Variants in CRYBG1 observed in about 807,000 individuals in gnomAD.
CRYBG1 encodes the protein beta/gamma crystallin domain-containing protein 1.
A neutral mutation model predicts 189.2 loss-of-function variants in CRYBG1; 139 were observed. The observed-to-expected ratio is 0.73, with a 90% CI of 0.64 to 0.85. The LOEUF (loss-of-function observed/expected upper bound fraction) is 0.85. Ranked by LOEUF, CRYBG1 falls within the 40% of genes least tolerant of loss-of-function variation. The probability of loss-of-function intolerance (pLI) is 0.00; values close to 1 mark genes in which losing one functional copy is unlikely to be tolerated. For missense variants in CRYBG1, 2,611 were observed against 2,675.8 expected, an observed-to-expected ratio of 0.98 and a Z score of 0.53; for synonymous variants, 1,023 against 1,017.1, an observed-to-expected ratio of 1.01 and a Z score of -0.11.
rs532831805 is a variant in CRYBG1 at position 106,462,164 on chromosome 6, T to TTTTTG, written c.312+10353_312+10357dup. ...GTTTTTTGTTTGTTTGTTTTTTGTT[T>TTTTTG]TTTTGTTTTGTTTTGTTTTGTTTTG... On this transcript the variant is annotated intron_variant, in intron 2 of 21. Transcript: ENST00000633556. 6.4e-3 allele frequency among the ~76,000 whole-genome samples: 979 copies of TTTTTG among 152,202 alleles called. 11 individuals are homozygous for TTTTTG. The highest frequency in any genetic ancestry group is 0.022 in the African/African-American group (923 of 41,508).
Position 106,377,621 on chromosome 6 carries a change from T to TATATATATATATATATA in CRYBG1, c.173+16540_173+16541insATATATATATATATATA, listed in dbSNP as rs1419204336. On this transcript the variant is annotated intron_variant, in intron 1 of 21. Transcript: ENST00000633556. Reference sequence around the variant, plus strand: ...TGTGTAACTCATAAGTCCTAAGGTTTTATATATATATATATATATATATAT... The same window carrying TATATATATATATATATA: ...TGTGTAACTCATAAGTCCTAAGGTTTATATATATATATATATATATATATATATATATATATATATAT... Among the ~76,000 whole-genome samples the TATATATATATATATATA allele has an allele frequency of 3.4e-3, 235 of 69,414 alleles. 5 individuals are homozygous for TATATATATATATATATA. Among genetic ancestry groups the TATATATATATATATATA allele is most frequent in the African/African-American group, 6.3e-3 (175 of 27,998 alleles). The allele number at this position is 69,414 out of a possible 152,430, so 45.5% of individuals were successfully genotyped here.
chr6:106,432,222 C>T (rs1050095328), intron 1 of CRYBG1, among the ~76,000 whole-genome samples: 12 of 152,182 alleles, frequency 7.9e-5, no homozygotes, highest in Middle Eastern at 3.2e-3. Flanking sequence ...GTTTTCCACC[C>T]TTCTTTGTAC....
At chr6:106,463,062 G>A (rs189706528) in intron 2 of CRYBG1, among the ~76,000 whole-genome samples, 1,573 of 152,294 alleles carry the variant, frequency 0.01, 54 homozygotes, top group Admixed American at 0.056. Flanking sequence ...GCTCAGGTGG[G>A]AGGATCTCTT....
At chr6:106,442,250 G>A (rs1470996257) in intron 1 of CRYBG1, among the ~76,000 whole-genome samples, 1 of 152,120 alleles carries the variant, frequency 6.6e-6, no homozygotes. Flanking sequence ...TGATGATTGC[G>A]GCAGTGTAAG....
In CRYBG1 at chr6:106,521,248, G is replaced by C. The variant is rs1435977062; in HGVS notation, c.4040G>C (p.Ser1347Thr). Reference sequence around the variant, plus strand: ...ACCAAAGAAGATCTGGATTCACGAAGCAACCTACACTTGCCAGAAACTAAA... The same window carrying C: ...ACCAAAGAAGATCTGGATTCACGAACCAACCTACACTTGCCAGAAACTAAA... Reference protein sequence around the residue: ...EKTKEDLDSRSNLHLPETKFS... With the variant: ...EKTKEDLDSRTNLHLPETKFS... The change falls in exon 4 of 22, where the codon AGC becomes ACC. Residue 1347 changes from serine to threonine, a missense_variant. Transcript: ENST00000633556. 5 of 1,614,008 alleles carry C rather than the reference G, an allele frequency of 3.1e-6. No individual in the cohort carries two copies. In the Middle Eastern group the frequency reaches 6.6e-4, roughly 213 times the overall value.
chr6:106,391,968 T>TGTGTGTGC (rs780044542), intron 1 of CRYBG1, among the ~76,000 whole-genome samples: 7 of 59,448 alleles, frequency 1.2e-4, no homozygotes, highest in African/African-American at 7.6e-4. Flanking sequence ...TGTGTGTGTG[T>TGTGTGTGC]GTGCGTGCGC....
chr6:106,415,002 C>T (rs1442903848), intron 1 of CRYBG1, among the ~76,000 whole-genome samples: 2 of 152,092 alleles, frequency 1.3e-5, no homozygotes, highest in East Asian at 3.9e-4. Flanking sequence ...TGAAGAAATC[C>T]TCTTCTTTTT....
chr6:106,368,264 C>T (rs148711648), intron 1 of CRYBG1, among the ~76,000 whole-genome samples: 93 of 150,196 alleles, frequency 6.2e-4, no homozygotes, highest in African/African-American at 2.1e-3. Context: ...AAAAAAGATA[C>T]ATACACACAC....
intron 2 of CRYBG1, among the ~76,000 whole-genome samples, chr6:106,478,744 G>A (rs781639821): frequency 1.5e-4 from 23 of 152,202 alleles, no homozygotes; most frequent in Non-Finnish European, 3.2e-4. Context: ...TGTATTTACA[G>A]CCATTCCCCA....
At chr6:106,488,393 G>A (rs770982838) in intron 2 of CRYBG1, among the ~76,000 whole-genome samples, 9 of 152,220 alleles carry the variant, frequency 5.9e-5, no homozygotes, top group Admixed American at 1.3e-4. Context: ...ATCCCTTCCT[G>A]TGGTGCAGGG....
intron 8 of CRYBG1, among the ~76,000 whole-genome samples, chr6:106,536,184 CCTAT>C (rs1774000993): frequency 6.6e-6 from 1 of 152,120 alleles, no homozygotes. Flanking sequence ...GCCCGAATTT[CCTAT>C]CTACTAGGGC....
intron 1 of CRYBG1, among the ~76,000 whole-genome samples, chr6:106,446,924 T>C (rs1192422286): frequency 6.6e-6 from 1 of 152,204 alleles, no homozygotes; most frequent in African/African-American, 2.4e-5. Flanking sequence ...GCAATCTGGT[T>C]TTTTAAAGTA....
intron 15 of CRYBG1, 64 bp from the exon 16 acceptor site, chr6:106,553,391 A>C (rs1774453759): frequency 2.7e-6 from 3 of 1,117,702 alleles, no homozygotes; most frequent in Middle Eastern, 2.0e-4. Flanking sequence ...CATCATTTCA[A>C]AGGCTAAATT....
chr6:106,511,485 G>C lies in CRYBG1; in HGVS notation c.368G>C (p.Gly123Ala). Residue 123 changes from glycine (G) to alanine (A), a missense_variant, in exon 3 of 22, where the codon GGC becomes GCC. Gly to Ala is a moderately conservative substitution (Grantham distance 60). Around this residue, in one of 3 missense-constraint regions of CRYBG1, gnomAD observed 985 missense variants for 924.4 expected, o/e 1.07. Transcript: ENST00000633556. ...NRRKPVLGKLGTLFTAGRRRN... is the reference protein window; with the variant it reads ...NRRKPVLGKLATLFTAGRRRN... The stretch of plus-strand genomic sequence containing the variant: ...AGGAAGCCAGTTTTGGGGAAACTTG[G>C]CACTCTATTCACTGCAGGAAGGAGA... The C allele has an allele frequency of 6.5e-7, 1 of 1,535,786 alleles. No homozygotes were observed. The highest frequency in any genetic ancestry group is 8.7e-7 in the Non-Finnish European group (1 of 1,146,670).
rs1774702937 is a variant in CRYBG1 at position 106,561,036 on chromosome 6, C to G, written c.5979+110C>G. 2.5e-6 allele frequency: 3 copies of G among 1,220,270 alleles called. No individual in the cohort carries two copies. In the South Asian group the frequency reaches 4.8e-5, roughly 19 times the overall value. The allele number at this position is 1,220,270 out of a possible 1,614,324, so 75.6% of individuals were successfully genotyped here. The stretch of plus-strand genomic sequence containing the variant: ...TATTCAAAGTTTATAACTGGCCTCA[C>G]CCTATAAACTCCTTCCCTGCCCCAA... On this transcript the variant is annotated intron_variant, in intron 19 of 21. Transcript: ENST00000633556.
At chr6:106,458,060 C>T (rs1407407602) in intron 2 of CRYBG1, among the ~76,000 whole-genome samples, 1 of 152,144 alleles carries the variant, frequency 6.6e-6, no homozygotes, top group Non-Finnish European at 1.5e-5. Context: ...TTACTGTGTA[C>T]TTTTTAATAC....
At chr6:106,401,294 T>G (rs983872572) in intron 1 of CRYBG1, among the ~76,000 whole-genome samples, 3 of 152,196 alleles carry the variant, frequency 2.0e-5, no homozygotes, top group Non-Finnish European at 4.4e-5. Flanking sequence ...GATTATCTAC[T>G]ACAGAGAGGG....
intron 1 of CRYBG1, among the ~76,000 whole-genome samples, chr6:106,410,152 A>G (rs980505584): frequency 2.6e-5 from 4 of 152,242 alleles, no homozygotes; most frequent in Non-Finnish European, 5.9e-5. Flanking sequence ...TCCAGAATCT[A>G]AAAGGAACTT....
At chr6:106,501,175 A>C (rs538743638) in intron 2 of CRYBG1, among the ~76,000 whole-genome samples, 6 of 152,224 alleles carry the variant, frequency 3.9e-5, no homozygotes, top group African/African-American at 1.4e-4. Context: ...ATATATATGC[A>C]ATATGGTTCA....
Sources: gnomAD v4.1 joint callset for allele counts (sites outside exome capture counted in the v4.1 genomes callset) on GRCh38, gnomAD v4.1.1 for gene constraint, gnomAD v4.1.1 regional missense constraint, MANE v1.5 for transcripts, NCBI Gene and HGNC (gene_info 2026-07-23, HGNC 2026-07-21) for gene names.